PLK4: variants seen among roughly 807,000 people sequenced by gnomAD.
PLK4 encodes serine/threonine-protein kinase PLK4.
Under a neutral mutation model 103.0 loss-of-function variants are expected in PLK4, and 51 were observed. The ratio of observed to expected loss-of-function variants is 0.50; its 90% confidence interval spans 0.40 to 0.63. The LOEUF (loss-of-function observed/expected upper bound fraction) is 0.63, where lower values mean the gene tolerates loss of function less well. Ranked by LOEUF, PLK4 falls within the 20% of genes least tolerant of loss-of-function variation. The pLI is 0.00. For missense variants in PLK4, 1,054 were observed against 1,151.0 expected (o/e 0.92, Z 1.22); for synonymous variants, 389 against 376.8 (o/e 1.03, Z -0.38).
In PLK4 at chr4:127,892,528, G is replaced by A. The variant is rs747496514; in HGVS notation, c.2188+14G>A. 1.9e-6 allele frequency: 3 copies of A among 1,590,698 alleles called. No homozygotes were observed. Among genetic ancestry groups the A allele is most frequent in the African/African-American group, 1.4e-5 (1 of 74,066 alleles). On this transcript the variant is annotated intron_variant, in intron 10 of 15. Coordinates refer to ENST00000270861, the MANE Select transcript of PLK4 (RefSeq NM_014264.5). ...GGTTTTATGATGGTAAGTACCATTT[G>A]GAAATGGTAATTTGTTCCTTTAGTT...
chr4:127,887,350 G>A, intron 5 of PLK4, 46 bp from the exon 6 acceptor site: 1 of 1,032,156 alleles, frequency 9.7e-7, no homozygotes, highest in South Asian at 1.4e-5. Flanking sequence ...AAAGTTACCT[G>A]ATAATTTTTT....
Position 127,892,487 on chromosome 4 carries a change from G to A in PLK4, c.2161G>A (p.Ala721Thr), listed in dbSNP as rs753564346. ...CATTTTGATGGAGAATTCTCCTGGT[G>A]CTGATTTTGAGGTTTGGTTTTATGA... ...KCILMENSPGADFEVWFYDGV... is the reference protein window; with the variant it reads ...KCILMENSPGTDFEVWFYDGV... The change falls in exon 10 of 16, where the codon GCT (alanine) becomes ACT (threonine). Residue 721 changes from alanine to threonine, a missense_variant. Coordinates refer to ENST00000270861, the MANE Select transcript of PLK4 (RefSeq NM_014264.5). The A allele has an allele frequency of 1.9e-6, 3 of 1,606,560 alleles. No homozygotes were observed. Among genetic ancestry groups the A allele is most frequent in the Non-Finnish European group, 2.5e-6 (3 of 1,176,688 alleles).
Position 127,890,119 on chromosome 4 carries a change from C to T in PLK4, c.1713C>T (p.Ser571=). The change falls in exon 7 of 16, where the codon AGC becomes AGT. Residue 571 remains serine (S), a synonymous_variant. Coordinates refer to ENST00000270861, the MANE Select transcript of PLK4 (RefSeq NM_014264.5). ...VFGSDPLSEQ[S]KTRGMEPPWG... ...GCTCAGATCCTCTTTCTGAACAGAG[C>T]AAGACTAGGGGTATGGAGCCACCAT... The T allele has an allele frequency of 6.2e-7, 1 of 1,613,870 alleles. No homozygotes were observed. The highest frequency in any genetic ancestry group is 8.5e-7 in the Non-Finnish European group (1 of 1,179,792).
In PLK4 at chr4:127,885,784, A is replaced by C. The variant is rs780323560; in HGVS notation, c.414A>C (p.Thr138=). Reference sequence around the variant, plus strand: ...ATGGTATACTACACCGGGACCTCACACTTTCTAACCTCCTACTGACTCGTA... The same window carrying C: ...ATGGTATACTACACCGGGACCTCACCCTTTCTAACCTCCTACTGACTCGTA... The part of the protein sequence containing the change: ...HSHGILHRDL[T]LSNLLLTRNM... Residue 138 remains threonine (T), a synonymous_variant, in exon 5 of 16, where the codon ACA becomes ACC. Transcript: ENST00000270861. The C allele has an allele frequency of 6.2e-7, 1 of 1,613,792 alleles. No homozygotes were observed.
intron 2 of PLK4, 75 bp downstream of exon 2, chr4:127,882,001 C>G (rs1734950977): frequency 2.5e-6 from 2 of 815,590 alleles, no homozygotes; most frequent in Non-Finnish European, 4.3e-6. Context: ...TCAGAAACTC[C>G]TTGTCTACTA....
intron 10 of PLK4, chr4:127,892,741 C>G: frequency 2.8e-6 from 1 of 353,660 alleles, no homozygotes; most frequent in South Asian, 4.3e-5. Context: ...TCCTCTTTTT[C>G]TACTTAGCTC....
intron 2 of PLK4, among the ~76,000 whole-genome samples, 154 bp downstream of exon 2, chr4:127,882,080 G>A (rs1310409217): frequency 6.6e-6 from 1 of 152,272 alleles, no homozygotes; most frequent in South Asian, 2.1e-4. Context: ...AAGTCCAGCC[G>A]TTGAACTTAA....
rs2148815140 is a variant in PLK4 at position 127,881,821 on chromosome 4, A to G, written c.31-10A>G. 1 of 1,506,038 alleles carries G rather than the reference A, an allele frequency of 6.6e-7. No homozygotes were observed. The allele number at this position is 1,506,038 out of a possible 1,614,324, so 93.3% of individuals were successfully genotyped here. A position where few individuals can be genotyped will look rare whatever the true frequency, so the allele number is the denominator to read the frequency against. On this transcript the variant is annotated splice_polypyrimidine_tract_variant and intron_variant, in intron 1 of 15. Coordinates refer to ENST00000270861, the MANE Select transcript of PLK4 (RefSeq NM_014264.5). ...GTCATCACACATAATCTTTAATTTT[A>G]ACTTTTAAGGATTTTAAAGTTGGAA...
chr4:127,892,617 G>GTA, intron 10 of PLK4, 103 bp downstream of exon 10: 1 of 840,396 alleles, frequency 1.2e-6, no homozygotes, highest in Non-Finnish European at 1.9e-6. Context: ...TTAAAGATGT[G>GTA]TATGTATATA....
chr4:127,883,072 C>T (rs1441275833), intron 2 of PLK4, among the ~76,000 whole-genome samples, 190 bp from the exon 3 acceptor site: 1 of 152,086 alleles, frequency 6.6e-6, no homozygotes, highest in Non-Finnish European at 1.5e-5. Context: ...ATTAATTGGT[C>T]AAACTTTTAC....
chr4:127,881,983 C>A (rs1734950590), intron 2 of PLK4, 57 bp downstream of exon 2: 2 of 915,374 alleles, frequency 2.2e-6, no homozygotes, highest in African/African-American at 1.6e-5. Flanking sequence ...AGAGAGGTAT[C>A]AGAGATGTCA....
chr4:127,886,149 T>C lies in PLK4; in HGVS notation c.779T>C (p.Leu260Ser). 1 of 1,614,130 alleles carries C rather than the reference T, an allele frequency of 6.2e-7. No homozygotes were observed. The change falls in exon 5 of 16, where the codon TTG becomes TCG. Residue 260 changes from leucine (L) to serine (S), a missense_variant. Physicochemically the swap from Leu to Ser is moderately radical, Grantham distance 145. Coordinates refer to ENST00000270861, the MANE Select transcript of PLK4 (RefSeq NM_014264.5). ...GATCGTTTAAGTCTGTCTTCAGTAT[T>C]GGACCATCCTTTTATGTCCCGAAAT... ...PADRLSLSSV[L>S]DHPFMSRNSS... is the part of the protein sequence containing the mutation.
intron 4 of PLK4, among the ~76,000 whole-genome samples, chr4:127,884,281 A>G (rs1735035275): frequency 6.6e-6 from 1 of 152,270 alleles, no homozygotes; most frequent in Non-Finnish European, 1.5e-5. Context: ...CTGAGATTAC[A>G]GACAAGCTAA....
intron 6 of PLK4, among the ~76,000 whole-genome samples, chr4:127,887,744 A>G (rs1032882376): frequency 1.3e-5 from 2 of 151,558 alleles, no homozygotes; most frequent in South Asian, 2.1e-4. Context: ...GTGTGGTGGC[A>G]TGTACCTGTA....
intron 4 of PLK4, among the ~76,000 whole-genome samples, chr4:127,885,115 C>T (rs1276375936): frequency 6.6e-6 from 1 of 152,078 alleles, no homozygotes; most frequent in South Asian, 2.1e-4. Context: ...GTAGGCTTCT[C>T]TTAACTGCAT....
intron 7 of PLK4, among the ~76,000 whole-genome samples, chr4:127,890,528 A>T (rs900722360): frequency 6.6e-6 from 1 of 152,132 alleles, no homozygotes; most frequent in Admixed American, 6.6e-5. Context: ...CTGGTTAAAG[A>T]TTATTTTGTT....
In PLK4 at chr4:127,898,503, CT is replaced by C; in HGVS notation, c.2879del (p.Leu960Ter). 6.3e-7 allele frequency: 1 copy of C among 1,584,448 alleles called. No homozygotes were observed. Among genetic ancestry groups the C allele is most frequent in the Non-Finnish European group, 8.7e-7 (1 of 1,155,654 alleles). ...GAAATTACAGTGTCTGTCTTCCATC[CT>C]TTTGATGTTTTCTAATCCGACTCCT... Reference protein sequence around the residue: ...KQKLQCLSSILLMFSNPTPNF... With the variant: ...KQKLQCLSSIXLMFSNPTPNF... On this transcript the variant is annotated frameshift_variant, in exon 16 of 16. Transcript: ENST00000270861. LOFTEE classifies it high-confidence loss of function.
intron 10 of PLK4, chr4:127,892,734 T>A: frequency 2.7e-6 from 1 of 372,212 alleles, no homozygotes; most frequent in Non-Finnish European, 4.8e-6. Context: ...ATATTAGTCC[T>A]CTTTTTCTAC....
In PLK4 at chr4:127,883,366, T is replaced by C. The variant is rs1184403268; in HGVS notation, c.222+9T>C. ...ATCCTTCTATCTTGGAGGTAAGATA[T>C]AAATTTTGTAGAAGTGACCAAGGAC... On this transcript the variant is annotated intron_variant, in intron 3 of 15. Coordinates refer to ENST00000270861, the MANE Select transcript of PLK4 (RefSeq NM_014264.5). 1.6e-5 allele frequency: 24 copies of C among 1,536,368 alleles called. No individual in the cohort carries two copies. The highest frequency in any genetic ancestry group is 2.0e-5 in the Non-Finnish European group (22 of 1,112,802).
Sources: gnomAD v4.1 joint callset for allele counts (sites outside exome capture counted in the v4.1 genomes callset) on GRCh38, gnomAD v4.1.1 for gene constraint, MANE v1.5 for transcripts, NCBI Gene and HGNC (gene_info 2026-07-23, HGNC 2026-07-21) for gene names.